Variants in MTA3 observed in about 807,000 individuals in gnomAD.
MTA3 encodes the protein metastasis associated 1 family member 3.
A neutral mutation model predicts 83.5 loss-of-function variants in MTA3; 34 were observed. The ratio of observed to expected loss-of-function variants is 0.41; its 90% confidence interval spans 0.31 to 0.54. The LOEUF (loss-of-function observed/expected upper bound fraction) is 0.54, where lower values mean the gene tolerates loss of function less well. Among genes scored for constraint, MTA3 ranks in the 20% least tolerant of loss-of-function variants. MTA3 has a pLI of 0.33. For synonymous variants in MTA3, 303 were observed against 252.7 expected (o/e 1.20, Z -1.89); for missense variants, 761 against 726.4 (o/e 1.05, Z -0.55).
At chr2:42,740,302 G>C (rs35217712) in intron 16 of MTA3, among the ~76,000 whole-genome samples, 3,071 of 152,316 alleles carry the variant, frequency 0.02, 37 homozygotes, top group Middle Eastern at 0.065. Context: ...CTTGAGTCCA[G>C]AAGTTCAAGA....
At chr2:42,630,060 G>A (rs2104249320) in intron 4 of MTA3, among the ~76,000 whole-genome samples, 1 of 152,242 alleles carries the variant, frequency 6.6e-6, no homozygotes, top group African/African-American at 2.4e-5. Flanking sequence ...ACAGGCATGA[G>A]CTAACACACC....
In MTA3 at chr2:42,753,788, G is replaced by C. The variant is rs2104613028; in HGVS notation, c.*389G>C. The C allele has an allele frequency of 1.8e-6, 2 of 1,098,828 alleles. No individual in the cohort carries two copies. Among genetic ancestry groups the C allele is most frequent in the South Asian group, 5.2e-5 (2 of 38,720 alleles). 68.1% of individuals were successfully genotyped at this position (1,098,828 alleles called of 1,614,324 possible). On this transcript the variant is annotated 3_prime_UTR_variant, in exon 17 of 17. Transcript: ENST00000405094. ...CTGCCACCCTGCATGTGTCCGCTCA[G>C]CTCGGTCTTATGCTGTATAGTTACT...
At chr2:42,647,398 T>G (rs1482912101) in intron 6 of MTA3, among the ~76,000 whole-genome samples, 1 of 151,730 alleles carries the variant, frequency 6.6e-6, no homozygotes, top group Non-Finnish European at 1.5e-5. Flanking sequence ...TAATTTTTTT[T>G]GTATTTTTAT....
Position 42,580,320 on chromosome 2 carries a change from T to C in MTA3, c.190+1120T>C, listed in dbSNP as rs1260603537. Reference sequence around the variant, plus strand: ...CTTCTTTTCAGTTCAGGGGTACCTGTGCAGGATGTGCAGGTTTTATTATTT... The same window carrying C: ...CTTCTTTTCAGTTCAGGGGTACCTGCGCAGGATGTGCAGGTTTTATTATTT... On this transcript the variant is annotated intron_variant, in intron 3 of 16. Transcript: ENST00000405094. Among the ~76,000 whole-genome samples the C allele has an allele frequency of 2.0e-5, 3 of 152,048 alleles. No homozygotes were observed. The East Asian group carries it at 5.8e-4, about 29-fold the overall frequency.
chr2:42,691,825 T>A (rs1558587379), intron 9 of MTA3, among the ~76,000 whole-genome samples: 1 of 152,234 alleles, frequency 6.6e-6, no homozygotes, highest in Non-Finnish European at 1.5e-5. Context: ...TTCAGCACTT[T>A]AAATATGTCG....
chr2:42,621,565 A>C (rs895210740), intron 4 of MTA3, among the ~76,000 whole-genome samples: 1 of 152,192 alleles, frequency 6.6e-6, no homozygotes, highest in East Asian at 1.9e-4. Context: ...TGACTTCTCT[A>C]TCTTTTCCCC....
intron 2 of MTA3, among the ~76,000 whole-genome samples, chr2:42,556,880 T>A (rs889085931): frequency 6.6e-6 from 1 of 152,002 alleles, no homozygotes; most frequent in Admixed American, 6.6e-5. Context: ...TGACTTAGGC[T>A]CTGTGTGAGT....
At chr2:42,529,603 C>G (rs1390342778) in intron 2 of MTA3, among the ~76,000 whole-genome samples, 1 of 152,228 alleles carries the variant, frequency 6.6e-6, no homozygotes, top group Non-Finnish European at 1.5e-5. Context: ...TTGTGCCTCC[C>G]ACGTGTTTTC....
chr2:42,694,217 G>C (rs1693168864), intron 9 of MTA3, among the ~76,000 whole-genome samples: 1 of 152,188 alleles, frequency 6.6e-6, no homozygotes, highest in African/African-American at 2.4e-5. Flanking sequence ...GTACTGCCTA[G>C]GTTTGGGAGA....
chr2:42,561,370 T>C (rs1291731449), intron 2 of MTA3, among the ~76,000 whole-genome samples: 1 of 152,060 alleles, frequency 6.6e-6, no homozygotes, highest in Non-Finnish European at 1.5e-5. Flanking sequence ...TTGCCCAGGC[T>C]GGAGTGCAGT....
chr2:42,652,344 CGTA>C (rs1343196926), intron 6 of MTA3, among the ~76,000 whole-genome samples: 1 of 152,034 alleles, frequency 6.6e-6, no homozygotes, highest in Non-Finnish European at 1.5e-5. Context: ...ACTTCACTAA[CGTA>C]GATTTCCTCT....
At chr2:42,570,849 A>G (rs1041258991) in intron 2 of MTA3, among the ~76,000 whole-genome samples, 2 of 151,954 alleles carry the variant, frequency 1.3e-5, no homozygotes, top group African/African-American at 4.8e-5. Flanking sequence ...CGTCTGTACT[A>G]AAAATACAAA....
intron 16 of MTA3, among the ~76,000 whole-genome samples, chr2:42,727,905 G>T (rs1435596314): frequency 6.6e-6 from 1 of 152,064 alleles, no homozygotes; most frequent in African/African-American, 2.4e-5. Context: ...TCACATGAGG[G>T]TAAATGGGTT....
At chr2:42,533,186 C>T (rs1289406451) in intron 2 of MTA3, 1 of 151,096 alleles carries the variant, frequency 6.6e-6, no homozygotes, top group Admixed American at 6.7e-5. Context: ...AAGTGATTCT[C>T]CTCCCTCAGC....
chr2:42,551,252 G>A (rs1677097618), intron 2 of MTA3, among the ~76,000 whole-genome samples: 1 of 151,866 alleles, frequency 6.6e-6, no homozygotes, highest in Non-Finnish European at 1.5e-5. Context: ...GTGCACTGGT[G>A]CAATCTTGGC....
At chr2:42,541,051 G>A (rs1371280019) in intron 2 of MTA3, among the ~76,000 whole-genome samples, 1 of 145,262 alleles carries the variant, frequency 6.9e-6, no homozygotes, top group Non-Finnish European at 1.5e-5. Flanking sequence ...TTTTTTTTGA[G>A]ATGGAGTTTT....
intron 4 of MTA3, among the ~76,000 whole-genome samples, chr2:42,617,493 A>G (rs1685038468): frequency 6.6e-6 from 1 of 152,172 alleles, no homozygotes; most frequent in African/African-American, 2.4e-5. Context: ...TAGATATATA[A>G]TGGGAAAAGG....
At chr2:42,616,093 T>C (rs10199169) in intron 4 of MTA3, among the ~76,000 whole-genome samples, 113,618 of 151,562 alleles carry the variant, frequency 0.75, 42,865 homozygotes, top group South Asian at 0.88. Flanking sequence ...ATAGTTTCAC[T>C]CTCATCACCC....
At chr2:42,746,047 T>C (rs1472180704) in intron 16 of MTA3, among the ~76,000 whole-genome samples, 2 of 151,376 alleles carry the variant, frequency 1.3e-5, no homozygotes, top group East Asian at 2.0e-4. Flanking sequence ...CTCCTGACAT[T>C]GTGATCCACC....
Sources: gnomAD v4.1 joint callset for allele counts (sites outside exome capture counted in the v4.1 genomes callset) on GRCh38, gnomAD v4.1.1 for gene constraint, MANE v1.5 for transcripts, NCBI Gene and HGNC (gene_info 2026-07-23, HGNC 2026-07-21) for gene names.